ARHGAP25: variants seen among roughly 807,000 people sequenced by gnomAD.
The protein encoded by ARHGAP25 is Rho GTPase activating protein 25.
ARHGAP25 carries 34 observed loss-of-function variants against 71.0 expected under a neutral mutation model. That is an observed-to-expected ratio of 0.48 (90% confidence interval 0.36 to 0.64). ARHGAP25 has a LOEUF of 0.64. ARHGAP25 is among the 30% of genes least tolerant of loss of function. The pLI, the probability that ARHGAP25 is intolerant of heterozygous loss-of-function variation, is 0.00. For missense variants in ARHGAP25, 706 were observed against 805.1 expected, an observed-to-expected ratio of 0.88 and a Z score of 1.49; for synonymous variants, 282 against 296.5, an observed-to-expected ratio of 0.95 and a Z score of 0.50.
chr2:68,758,004 A>C (rs964247997), intron 1 of ARHGAP25, among the ~76,000 whole-genome samples: 1 of 152,050 alleles, frequency 6.6e-6, no homozygotes, highest in Non-Finnish European at 1.5e-5. Context: ...GAGTATTTGT[A>C]TGTTATTAAA....
Position 68,813,570 on chromosome 2 carries a change from C to A in ARHGAP25, c.807+151C>A, listed in dbSNP as rs561752201. ...CTCAGCAACAAAAGGTATATGAACT[C>A]AATCATAATGACTGGCAAACCACAG... On this transcript the variant is annotated intron_variant, in intron 6 of 10. Transcript: ENST00000409202. 1.8e-4 allele frequency: 153 copies of A among 827,672 alleles called. 3 individuals carry two copies. In the South Asian group the frequency reaches 3.0e-3, roughly 16 times the overall value. The allele number at this position is 827,672 out of a possible 1,614,324, so 51.3% of individuals were successfully genotyped here.
chr2:68,743,220 C>T (rs1018923133), intron 1 of ARHGAP25, among the ~76,000 whole-genome samples: 4 of 152,180 alleles, frequency 2.6e-5, no homozygotes, highest in African/African-American at 9.7e-5. Context: ...TCCTCCAGAG[C>T]TGCCCACCAT....
chr2:68,777,618 T>C (rs1315089437), intron 2 of ARHGAP25, among the ~76,000 whole-genome samples: 1 of 152,216 alleles, frequency 6.6e-6, no homozygotes, highest in East Asian at 1.9e-4. Context: ...TGAGGAAATC[T>C]ATTGATATAA....
At position 68,715,534 on chromosome 2, in the gene ARHGAP25, T is replaced by C. The variant is rs185479689; in HGVS notation, c.-18+4836T>C. On this transcript the variant is annotated intron_variant and NMD_transcript_variant, in intron 2 of 7. Coordinates refer to the ARHGAP25 transcript ENST00000463483. ...GGGCTTCCGGGAGGCGGTCGTGCTC[T>C]TGAAAAAGATGCTTGGGAAGAGTAA... Among the ~76,000 whole-genome samples the C allele has an allele frequency of 5.9e-3, 896 of 152,230 alleles. 23 individuals carry two copies. The highest frequency in any genetic ancestry group is 2.7e-3 in the Non-Finnish European group (182 of 68,026).
upstream of ARHGAP25, among the ~76,000 whole-genome samples, chr2:68,733,323 A>C (rs1558602739): frequency 6.6e-6 from 1 of 152,196 alleles, no homozygotes; most frequent in African/African-American, 2.4e-5. Context: ...GGTATCCTTG[A>C]TGAGAATATA....
chr2:68,804,432 G>A (rs1220068378), intron 4 of ARHGAP25, among the ~76,000 whole-genome samples: 1 of 152,142 alleles, frequency 6.6e-6, no homozygotes, highest in African/African-American at 2.4e-5. Flanking sequence ...TTTTAAGTCG[G>A]AATATTTCAA....
chr2:68,758,475 A>G (rs913779180), intron 1 of ARHGAP25, among the ~76,000 whole-genome samples: 6 of 151,970 alleles, frequency 3.9e-5, no homozygotes, highest in African/African-American at 1.4e-4. Flanking sequence ...TATCAAAGAA[A>G]ATGAACTTTA....
intron 1 of ARHGAP25, among the ~76,000 whole-genome samples, chr2:68,744,423 G>A (rs969301839): frequency 6.6e-6 from 1 of 151,992 alleles, no homozygotes; most frequent in Non-Finnish European, 1.5e-5. Flanking sequence ...ATATTTATTG[G>A]ACACCTACTA....
chr2:68,807,705 G>A lies in ARHGAP25; in HGVS notation c.674+225G>A, dbSNP rs13018266. Among the ~76,000 whole-genome samples the A allele has an allele frequency of 5.1e-3, 771 of 152,316 alleles. 8 individuals carry two copies. The highest frequency in any genetic ancestry group is 0.01 in the Middle Eastern group (3 of 294). On this transcript the variant is annotated intron_variant, in intron 5 of 10. Coordinates refer to ENST00000409202, the MANE Select transcript of ARHGAP25 (RefSeq NM_001007231.3). ...TTTATGTGACAGATGATGTGAACCA[G>A]AACTGGAACCCTGCTGGGCAGATTC...
At chr2:68,775,197 C>A in intron 1 of ARHGAP25, 24 bp from the exon 2 acceptor site, 1 of 1,614,254 alleles carries the variant, frequency 6.2e-7, no homozygotes, top group South Asian at 1.1e-5. Flanking sequence ...CTCGGTCAGT[C>A]GGCCTGTCTG....
chr2:68,727,892 A>G (rs976541429), intron 2 of ARHGAP25, among the ~76,000 whole-genome samples: 2 of 152,252 alleles, frequency 1.3e-5, no homozygotes, highest in Admixed American at 6.5e-5. Flanking sequence ...AGCAGATCTA[A>G]TCACTCCTAG....
intron 1 of ARHGAP25, among the ~76,000 whole-genome samples, chr2:68,736,751 A>G (rs781577202): frequency 6.6e-6 from 1 of 152,182 alleles, no homozygotes; most frequent in Non-Finnish European, 1.5e-5. Flanking sequence ...TATCAGACTC[A>G]CATCAAGTGC....
At position 68,767,262 on chromosome 2, in the gene ARHGAP25, G is replaced by T. The variant is rs146913211; in HGVS notation, c.62-7959G>T. Among the ~76,000 whole-genome samples, 1 of 152,040 alleles carries T rather than the reference G, an allele frequency of 6.6e-6. No homozygotes were observed. Among genetic ancestry groups the T allele is most frequent in the Non-Finnish European group, 1.5e-5 (1 of 68,022 alleles). On this transcript the variant is annotated intron_variant, in intron 1 of 10. Coordinates refer to ENST00000409202, the MANE Select transcript of ARHGAP25 (RefSeq NM_001007231.3). The surrounding 1 kb of genome is among the most constrained non-coding windows in gnomAD (Gnocchi z 4.6). Reference sequence around the variant, plus strand: ...AAAGAATGATGGGTGCTTTTCAATGGGGGGGTGGCGTTTGCTTTGAAGACA... The same window carrying T: ...AAAGAATGATGGGTGCTTTTCAATGTGGGGGTGGCGTTTGCTTTGAAGACA...
At chr2:68,787,067 A>T (rs1270922711) in intron 3 of ARHGAP25, among the ~76,000 whole-genome samples, 1 of 152,160 alleles carries the variant, frequency 6.6e-6, no homozygotes, top group African/African-American at 2.4e-5. Flanking sequence ...CCTGTGTTTG[A>T]TACTCTCCTT....
chr2:68,752,311 G>C (rs1456565641), intron 1 of ARHGAP25, among the ~76,000 whole-genome samples: 1 of 149,568 alleles, frequency 6.7e-6, no homozygotes, highest in Non-Finnish European at 1.5e-5. Context: ...AATGAAATCT[G>C]TTCTTCAAGA....
At position 68,813,386 on chromosome 2, in the gene ARHGAP25, C is replaced by T; in HGVS notation, c.774C>T (p.Leu258=). Residue 258 remains leucine (L), a synonymous_variant, in exon 6 of 11, where the codon CTC becomes CTT. Coordinates refer to ENST00000409202, the MANE Select transcript of ARHGAP25 (RefSeq NM_001007231.3). ...VPWSQYEGFL[L]CGQLTNADEA... ...GGAGCCAGTACGAAGGGTTCCTGCT[C>T]TGTGGGCAGCTCACGAATGCGGATG... is the stretch of plus-strand genomic sequence containing the variant. 3.1e-6 allele frequency: 5 copies of T among 1,613,532 alleles called. No individual in the cohort carries two copies. Among genetic ancestry groups the T allele is most frequent in the Non-Finnish European group, 4.2e-6 (5 of 1,179,886 alleles).
At chr2:68,825,687 A>C (rs1682069229) in intron 10 of ARHGAP25, among the ~76,000 whole-genome samples, 1 of 152,072 alleles carries the variant, frequency 6.6e-6, no homozygotes, top group South Asian at 2.1e-4. Flanking sequence ...AGGAAGGAGA[A>C]TGGTGTGAAC....
At chr2:68,758,228 T>G (rs989685216) in intron 1 of ARHGAP25, among the ~76,000 whole-genome samples, 2 of 151,866 alleles carry the variant, frequency 1.3e-5, no homozygotes, top group East Asian at 3.8e-4. Context: ...ATGTAGAAAA[T>G]AAATAGCAAA....
At chr2:68,721,933 G>C (rs1279101039) in intron 2 of ARHGAP25, among the ~76,000 whole-genome samples, 1 of 152,210 alleles carries the variant, frequency 6.6e-6, no homozygotes. Context: ...TGTCCAAGCT[G>C]ATCAAACTGG....
Sources: allele counts gnomAD v4.1 joint callset (sites outside exome capture counted in the v4.1 genomes callset), GRCh38; gene constraint gnomAD v4.1.1; non-coding constraint Gnocchi (gnomAD v3.1); transcripts MANE v1.5; gene names NCBI Gene and HGNC (gene_info 2026-07-23, HGNC 2026-07-21).